Variants in SPTLC1 observed in about 807,000 individuals in gnomAD.
SPTLC1 encodes the protein serine palmitoyltransferase 1.
A neutral mutation model predicts 68.9 loss-of-function variants in SPTLC1; 55 were observed. The observed-to-expected ratio is 0.80, with a 90% CI of 0.64 to 1.00. The LOEUF (loss-of-function observed/expected upper bound fraction) is 1.00, where lower values mean the gene tolerates loss of function less well. Among genes scored for constraint, SPTLC1 ranks in the 50% least tolerant of loss-of-function variants. The pLI, the probability that SPTLC1 is intolerant of heterozygous loss-of-function variation, is 0.00. For missense variants in SPTLC1, 449 were observed against 573.1 expected (o/e 0.78, Z 2.21); for synonymous variants, 197 against 201.6 (o/e 0.98, Z 0.19).
At chr9:92,065,628 A>G (rs1264556878) in intron 6 of SPTLC1, among the ~76,000 whole-genome samples, 2 of 152,230 alleles carry the variant, frequency 1.3e-5, no homozygotes, top group Non-Finnish European at 2.9e-5. Flanking sequence ...GTGCTTGTGT[A>G]TAAAGTGACA....
chr9:92,047,151 T>C, intron 11 of SPTLC1, 21 bp downstream of exon 11: 1 of 1,581,538 alleles, frequency 6.3e-7, no homozygotes, highest in Non-Finnish European at 8.7e-7. Flanking sequence ...TTTGATTCCT[T>C]GGGTTTTTAA....
chr9:92,060,247 T>C (rs948191046), intron 6 of SPTLC1, among the ~76,000 whole-genome samples: 4 of 152,158 alleles, frequency 2.6e-5, no homozygotes, highest in African/African-American at 9.7e-5. Context: ...AAACTAGACA[T>C]GGACTACAGC....
intron 3 of SPTLC1, among the ~76,000 whole-genome samples, chr9:92,101,569 A>T (rs1404616242): frequency 7.2e-6 from 1 of 137,970 alleles, no homozygotes; most frequent in Non-Finnish European, 1.5e-5. Flanking sequence ...CTCAAAAAAA[A>T]AAAAAAAAAA....
chr9:92,044,486 A>T (rs1163733326), intron 12 of SPTLC1, among the ~76,000 whole-genome samples: 1 of 152,234 alleles, frequency 6.6e-6, no homozygotes, highest in Non-Finnish European at 1.5e-5. Flanking sequence ...GGCGAAGGGC[A>T]GTAGCAGAAG....
intron 5 of SPTLC1, chr9:92,079,794 C>T (rs1036266956): frequency 4.6e-6 from 3 of 647,944 alleles, no homozygotes; most frequent in Admixed American, 2.4e-5. Context: ...CACATGCACA[C>T]GAGGATGAGC....
chr9:92,055,146 A>G (rs1355012042), intron 8 of SPTLC1: 3 of 802,028 alleles, frequency 3.7e-6, no homozygotes, highest in Admixed American at 6.3e-5. Flanking sequence ...GGATCACTTG[A>G]GCCCAGGAGG....
chr9:92,115,179 C>T, intron 1 of SPTLC1, 135 bp downstream of exon 1: 1 of 853,180 alleles, frequency 1.2e-6, no homozygotes, highest in Non-Finnish European at 2.0e-6. Context: ...CCCGGCAGTC[C>T]TTCCAGCAAG....
chr9:92,098,552 A>G (rs1302497254), intron 3 of SPTLC1, among the ~76,000 whole-genome samples: 1 of 152,202 alleles, frequency 6.6e-6, no homozygotes, highest in Non-Finnish European at 1.5e-5. Flanking sequence ...GTTCTTGATG[A>G]CAATAAAAAT....
At chr9:92,099,242 G>A (rs1414460645) in intron 3 of SPTLC1, among the ~76,000 whole-genome samples, 3 of 152,194 alleles carry the variant, frequency 2.0e-5, no homozygotes, top group Non-Finnish European at 4.4e-5. Flanking sequence ...CCCAAGGTCT[G>A]CACCAGGCTG....
chr9:92,056,713 T>C (rs888038216), intron 7 of SPTLC1, among the ~76,000 whole-genome samples: 4 of 152,150 alleles, frequency 2.6e-5, no homozygotes, highest in Non-Finnish European at 5.9e-5. Flanking sequence ...TCTGCTCCAA[T>C]GGACAATTAG....
intron 3 of SPTLC1, among the ~76,000 whole-genome samples, chr9:92,082,488 T>C (rs1325466219): frequency 1.4e-5 from 2 of 147,844 alleles, no homozygotes; most frequent in Middle Eastern, 3.4e-3. Flanking sequence ...GAACATGCGG[T>C]GTTTGGTTTT....
intron 9 of SPTLC1, among the ~76,000 whole-genome samples, chr9:92,049,140 C>T (rs750025278): frequency 7.2e-5 from 11 of 152,144 alleles, no homozygotes; most frequent in African/African-American, 2.2e-4. Flanking sequence ...TCCAACCTCC[C>T]GGGATATTCA....
intron 1 of SPTLC1, among the ~76,000 whole-genome samples, chr9:92,113,119 T>C (rs1159485280): frequency 6.6e-6 from 1 of 152,052 alleles, no homozygotes; most frequent in Non-Finnish European, 1.5e-5. Context: ...AATAAATAAA[T>C]AAATAAAATC....
Position 92,032,573 on chromosome 9 carries a change from G to A in SPTLC1, c.1329-15C>T. The A allele has an allele frequency of 1.2e-6, 2 of 1,613,260 alleles. No individual in the cohort carries two copies. Among genetic ancestry groups the A allele is most frequent in the Non-Finnish European group, 1.7e-6 (2 of 1,180,002 alleles). On this transcript the variant is annotated splice_polypyrimidine_tract_variant and intron_variant, in intron 14 of 14. Coordinates refer to ENST00000262554, the MANE Select transcript of SPTLC1 (RefSeq NM_006415.4). ...CAACCCGAATGCTGAGAACAGTAAA[G>A]GACACAAAGAATTATCTTTGTGGGC...
intron 5 of SPTLC1, chr9:92,079,748 G>T: frequency 1.5e-6 from 1 of 679,126 alleles, no homozygotes; most frequent in Non-Finnish European, 2.6e-6. Flanking sequence ...AAAGAGTACT[G>T]CTGCTCTGCA....
chr9:92,083,911 T>C (rs1365003477), intron 3 of SPTLC1, among the ~76,000 whole-genome samples: 1 of 152,234 alleles, frequency 6.6e-6, no homozygotes, highest in Non-Finnish European at 1.5e-5. Context: ...TCCTCTTTTA[T>C]TTCCTTGAGC....
chr9:92,055,610 T>G, intron 7 of SPTLC1, 116 bp from the exon 8 acceptor site: 1 of 1,026,954 alleles, frequency 9.7e-7, no homozygotes, highest in South Asian at 1.4e-5. Context: ...ATATTCTGAA[T>G]GAATTGAAAG....
intron 3 of SPTLC1, among the ~76,000 whole-genome samples, chr9:92,086,934 G>A (rs1835162745): frequency 6.6e-6 from 1 of 152,250 alleles, no homozygotes. Flanking sequence ...TGGAGGCTTT[G>A]TTTGTTTCTT....
intron 5 of SPTLC1, among the ~76,000 whole-genome samples, chr9:92,069,292 T>C (rs1333134623): frequency 2.6e-5 from 4 of 152,242 alleles, no homozygotes; most frequent in Admixed American, 6.5e-5. Flanking sequence ...ATTCCATTCC[T>C]ATCAAATAGT....
Sources: allele counts gnomAD v4.1 joint callset (sites outside exome capture counted in the v4.1 genomes callset), GRCh38; gene constraint gnomAD v4.1.1; transcripts MANE v1.5; gene names NCBI Gene and HGNC (gene_info 2026-07-23, HGNC 2026-07-21).